Variants in KDM5B observed in about 807,000 individuals in gnomAD.
KDM5B encodes the protein lysine demethylase 5B, also known as lysine-specific demethylase 5B.
In KDM5B, 144 loss-of-function variants were observed where a neutral mutation model predicts 193.4. That is an observed-to-expected ratio of 0.74 (90% CI 0.65 to 0.86). KDM5B has a LOEUF of 0.86. Ranked by LOEUF, KDM5B falls within the 40% of genes least tolerant of loss-of-function variation. KDM5B has a pLI of 0.00. For synonymous variants in KDM5B, 668 were observed against 682.6 expected (o/e 0.98, Z 0.33); for missense variants, 1,833 against 1,886.9 (o/e 0.97, Z 0.53).
chr1:202,804,878 A>AAAG (rs1272771177), intron 1 of KDM5B, among the ~76,000 whole-genome samples: 5 of 152,010 alleles, frequency 3.3e-5, no homozygotes, highest in South Asian at 2.1e-4. Context: ...AAAAAAAAAA[A>AAAG]AAAAGAAATT....
intron 26 of KDM5B, 50 bp downstream of exon 26, chr1:202,729,657 G>A: frequency 1.3e-6 from 2 of 1,516,224 alleles, no homozygotes; most frequent in South Asian, 1.2e-5. Flanking sequence ...AGCTTACAGG[G>A]TTTCTGAGTT....
At chr1:202,749,240 G>T (rs1351125043) in intron 13 of KDM5B, 101 bp from the exon 14 acceptor site, 2 of 994,136 alleles carry the variant, frequency 2.0e-6, no homozygotes, top group Non-Finnish European at 2.9e-6. Flanking sequence ...CACACTATGG[G>T]TCTTAACACG....
intron 1 of KDM5B, among the ~76,000 whole-genome samples, chr1:202,805,339 C>G (rs1049342811): frequency 6.6e-6 from 1 of 152,194 alleles, no homozygotes; most frequent in Non-Finnish European, 1.5e-5. Context: ...TTTCAAATTT[C>G]TGAGAACCCC....
chr1:202,739,894 A>ACCATCCGATTTCTCAATCTTTTCCCCAC (rs1655240007), intron 20 of KDM5B, among the ~76,000 whole-genome samples: 1 of 152,160 alleles, frequency 6.6e-6, no homozygotes, highest in Admixed American at 6.5e-5. Flanking sequence ...AGACACGGCA[A>ACCATCCGATTTCTCAATCTTTTCCCCAC]CCATCCGATT....
chr1:202,744,323 G>A (rs1258865259), intron 16 of KDM5B, among the ~76,000 whole-genome samples: 1 of 152,216 alleles, frequency 6.6e-6, no homozygotes, highest in African/African-American at 2.4e-5. Context: ...ACTTTGGGAG[G>A]CCGAGGCAGG....
intron 12 of KDM5B, 93 bp from the exon 13 acceptor site, chr1:202,750,871 A>G (rs976401434): frequency 1.5e-6 from 2 of 1,324,102 alleles, no homozygotes; most frequent in African/African-American, 1.5e-5. Flanking sequence ...ATAATTTTCA[A>G]AAAAAGGCAG....
In KDM5B at chr1:202,808,084, G is replaced by A. The variant is rs753562982; in HGVS notation, c.204+18C>T. 1.2e-6 allele frequency: 2 copies of A among 1,606,048 alleles called. No individual in the cohort carries two copies. The highest frequency in any genetic ancestry group is 1.4e-5 in the African/African-American group (1 of 73,780). ...TCCCCCAGCCACGAGCTGGATCCGG[G>A]GTGCTGGCGTGACTCACCGGCGGCG... is the stretch of plus-strand genomic sequence containing the variant. On this transcript the variant is annotated intron_variant, in intron 1 of 26. Coordinates refer to ENST00000367265, the MANE Select transcript of KDM5B (RefSeq NM_006618.5).
At chr1:202,806,794 G>A (rs896557004) in intron 1 of KDM5B, 1 of 152,134 alleles carries the variant, frequency 6.6e-6, no homozygotes, top group Non-Finnish European at 1.5e-5. Flanking sequence ...GGGGTGGGAA[G>A]GGGTCTTCCT....
chr1:202,784,074 A>G (rs1024348197), intron 1 of KDM5B, among the ~76,000 whole-genome samples: 4 of 152,220 alleles, frequency 2.6e-5, no homozygotes, highest in African/African-American at 9.7e-5. Context: ...TAAAAAATAA[A>G]GTCAACCACT....
intron 1 of KDM5B, among the ~76,000 whole-genome samples, chr1:202,782,780 A>C (rs1378794080): frequency 6.6e-6 from 1 of 152,232 alleles, no homozygotes; most frequent in Non-Finnish European, 1.5e-5. Flanking sequence ...CAGCCTTTTC[A>C]TACTAACTAG....
chr1:202,729,196 T>C, intron 26 of KDM5B, 23 bp from the exon 27 acceptor site: 2 of 1,613,654 alleles, frequency 1.2e-6, no homozygotes, highest in Non-Finnish European at 1.7e-6. Context: ...AGCAGGAAGA[T>C]GGGGTTTTCA....
chr1:202,801,347 A>G (rs1658065774), intron 1 of KDM5B, among the ~76,000 whole-genome samples: 1 of 152,162 alleles, frequency 6.6e-6, no homozygotes, highest in Non-Finnish European at 1.5e-5. Flanking sequence ...TGCTTTAAGA[A>G]GGATGGTCTA....
Position 202,808,245 on chromosome 1 carries a change from CCGGG to C in KDM5B, c.57_60del (p.Pro20AlafsTer35). 6.2e-7 allele frequency: 1 copy of C among 1,611,438 alleles called. No individual in the cohort carries two copies. The highest frequency in any genetic ancestry group is 8.5e-7 in the Non-Finnish European group (1 of 1,179,310). On this transcript the variant is annotated frameshift_variant, in exon 1 of 27. Transcript: ENST00000367265. LOFTEE classifies it high-confidence loss of function. ...GGAGGCAGGAACTCGCCCAGCGGGC[CCGGG>C]CCCCCGAGGGGCAGCGCCGGGCGCG...
intron 1 of KDM5B, 21 bp from the exon 2 acceptor site, chr1:202,777,115 T>G (rs1419937106): frequency 1.3e-6 from 2 of 1,578,830 alleles, no homozygotes. Context: ...GCAAAGGCTC[T>G]TATTAGAATA....
chr1:202,806,006 T>G (rs1022557686), intron 1 of KDM5B, among the ~76,000 whole-genome samples: 3 of 152,202 alleles, frequency 2.0e-5, no homozygotes, highest in Non-Finnish European at 4.4e-5. Flanking sequence ...TGTAGCACTC[T>G]CAATACAAAA....
Position 202,736,195 on chromosome 1 carries a change from A to G in KDM5B, c.3264+18T>C. 1 of 1,512,296 alleles carries G rather than the reference A, an allele frequency of 6.6e-7. No homozygotes were observed. The highest frequency in any genetic ancestry group is 8.9e-7 in the Non-Finnish European group (1 of 1,126,186). 93.7% of individuals were successfully genotyped at this position (1,512,296 alleles called of 1,614,324 possible). On this transcript the variant is annotated intron_variant, in intron 21 of 26. Coordinates refer to ENST00000367265, the MANE Select transcript of KDM5B (RefSeq NM_006618.5). ...TAGGAGATCTAAGGTCTTGCAGATG[A>G]GCTGGTTGTAAACTTACCTCTAAGA...
intron 4 of KDM5B, among the ~76,000 whole-genome samples, chr1:202,770,338 C>T (rs1045114639): frequency 3.3e-5 from 5 of 152,058 alleles, no homozygotes; most frequent in Non-Finnish European, 5.9e-5. Context: ...GGCCTCTGTT[C>T]CACTGGAACA....
chr1:202,758,752 A>C (rs1451171518), intron 8 of KDM5B: 2 of 317,254 alleles, frequency 6.3e-6, no homozygotes, highest in Non-Finnish European at 1.2e-5. Flanking sequence ...CAACTTGGAT[A>C]AATTTATATA....
chr1:202,780,743 CATGT>C (rs575734170), intron 1 of KDM5B, among the ~76,000 whole-genome samples: 91 of 144,490 alleles, frequency 6.3e-4, no homozygotes, highest in Admixed American at 3.0e-3. Context: ...AGAACAAAAA[CATGT>C]ATTAGGTTGG....
Sources: allele counts gnomAD v4.1 joint callset (sites outside exome capture counted in the v4.1 genomes callset), GRCh38; gene constraint gnomAD v4.1.1; transcripts MANE v1.5; gene names NCBI Gene and HGNC (gene_info 2026-07-23, HGNC 2026-07-21).